GNA14: variants seen among roughly 807,000 people sequenced by gnomAD.
GNA14 encodes guanine nucleotide-binding protein subunit alpha-14.
GNA14 carries 50 observed loss-of-function variants against 42.0 expected under a neutral mutation model. That is an observed-to-expected ratio of 1.19 (90% CI 0.95 to 1.51). The LOEUF is 1.51. Among genes scored for constraint, GNA14 ranks in the 40% most tolerant of loss-of-function variants. The pLI is 0.00. For missense variants in GNA14, 473 were observed against 446.2 expected (o/e 1.06, Z -0.54); for synonymous variants, 173 against 163.1 (o/e 1.06, Z -0.46).
intron 1 of GNA14, among the ~76,000 whole-genome samples, chr9:77,576,230 G>A (rs910065768): frequency 6.6e-6 from 1 of 152,118 alleles, no homozygotes; most frequent in Non-Finnish European, 1.5e-5. Flanking sequence ...AGAGAAAGAC[G>A]TTGAAAGAGA....
rs1342693516 is a variant in GNA14 at position 77,434,152 on chromosome 9, G to A, written c.464+216C>T. Among the ~76,000 whole-genome samples the A allele has an allele frequency of 1.1e-4, 16 of 152,306 alleles. No individual in the cohort carries two copies. The East Asian group carries it at 1.4e-3, about 13-fold the overall frequency. On this transcript the variant is annotated intron_variant, in intron 3 of 6. Coordinates refer to ENST00000341700, the MANE Select transcript of GNA14 (RefSeq NM_004297.4). ...AACACAGCAAGAGCAGGCGGGTGTC[G>A]GCAGGAAGAGAGGTCTGCGATCCAC...
At chr9:77,519,879 A>G (rs888869053) in intron 2 of GNA14, among the ~76,000 whole-genome samples, 5 of 152,070 alleles carry the variant, frequency 3.3e-5, no homozygotes, top group South Asian at 2.1e-4. Flanking sequence ...GCATGGTGGT[A>G]TATGCCTGTA....
At chr9:77,633,345 G>T (rs558367033) in intron 1 of GNA14, among the ~76,000 whole-genome samples, 166 of 152,196 alleles carry the variant, frequency 1.1e-3, no homozygotes, top group Admixed American at 2.3e-3. Flanking sequence ...AGATTGGCAT[G>T]TGCAGAGGCC....
chr9:77,545,915 G>GT (rs1837713654), intron 1 of GNA14, among the ~76,000 whole-genome samples: 3 of 152,118 alleles, frequency 2.0e-5, no homozygotes, highest in Admixed American at 6.6e-5. Context: ...AACACCAGCT[G>GT]TAAGAGTAAA....
chr9:77,541,329 CT>C (rs1837659088), intron 1 of GNA14, among the ~76,000 whole-genome samples: 1 of 152,042 alleles, frequency 6.6e-6, no homozygotes, highest in South Asian at 2.1e-4. Context: ...TGGGTGCAAC[CT>C]TTTTTCATTC....
chr9:77,535,270 G>A (rs1313537732), intron 1 of GNA14, among the ~76,000 whole-genome samples: 1 of 152,228 alleles, frequency 6.6e-6, no homozygotes, highest in African/African-American at 2.4e-5. Context: ...TGGGTGCGGT[G>A]GCTCACGCCT....
intron 2 of GNA14, among the ~76,000 whole-genome samples, chr9:77,478,649 A>G (rs866308051): frequency 0.015 from 2,253 of 151,822 alleles, 26 homozygotes; most frequent in Middle Eastern, 0.031. Flanking sequence ...CACCAACAGT[A>G]TAAAAGTGTT....
intron 1 of GNA14, among the ~76,000 whole-genome samples, chr9:77,636,863 C>T (rs1049045528): frequency 6.6e-6 from 1 of 152,130 alleles, no homozygotes; most frequent in Admixed American, 6.5e-5. Context: ...CAGCACAAGC[C>T]AATGTTCCAT....
At position 77,587,337 on chromosome 9, in the gene GNA14, A is replaced by C. The variant is rs375521007; in HGVS notation, c.125-58084T>G. ...AATACTGAAAGCAGGAACTCATATT[A>C]GTATCTATACTCACATGTTCATAGC... On this transcript the variant is annotated intron_variant, in intron 1 of 6. Coordinates refer to ENST00000341700, the MANE Select transcript of GNA14 (RefSeq NM_004297.4). 8.5e-5 allele frequency among the ~76,000 whole-genome samples: 13 copies of C among 152,350 alleles called. 1 individual carries two copies. The East Asian group carries it at 1.5e-3, about 18-fold the overall frequency.
At chr9:77,552,126 C>CAAAAAAAAAAAA (rs34493872) in intron 1 of GNA14, among the ~76,000 whole-genome samples, 3 of 85,088 alleles carry the variant, frequency 3.5e-5, no homozygotes, top group Non-Finnish European at 4.7e-5. Context: ...AACTCCATCT[C>CAAAAAAAAAAAA]AAAAAAAAAA....
chr9:77,614,322 C>T (rs537764382), intron 1 of GNA14, among the ~76,000 whole-genome samples: 64 of 152,230 alleles, frequency 4.2e-4, no homozygotes, highest in Middle Eastern at 3.4e-3. Flanking sequence ...CAAAACTAGA[C>T]ACATACTCCT....
At chr9:77,504,576 A>G (rs1046253948) in intron 2 of GNA14, among the ~76,000 whole-genome samples, 3 of 148,348 alleles carry the variant, frequency 2.0e-5, no homozygotes, top group Non-Finnish European at 3.0e-5. Context: ...GAGAGAAACA[A>G]GTCCACATTC....
chr9:77,616,103 G>A (rs987878001), intron 1 of GNA14, among the ~76,000 whole-genome samples: 1 of 152,174 alleles, frequency 6.6e-6, no homozygotes, highest in African/African-American at 2.4e-5. Flanking sequence ...AGTAAACCAT[G>A]AGAGGCCTTG....
intron 1 of GNA14, among the ~76,000 whole-genome samples, chr9:77,603,066 G>A (rs1390061682): frequency 6.6e-6 from 1 of 152,166 alleles, no homozygotes; most frequent in South Asian, 2.1e-4. Flanking sequence ...CAACAAATTA[G>A]TGGCTCCCAA....
chr9:77,488,598 C>T (rs913202924), intron 2 of GNA14, among the ~76,000 whole-genome samples: 3 of 151,982 alleles, frequency 2.0e-5, no homozygotes, highest in East Asian at 3.9e-4. Context: ...TGAGCCTTCC[C>T]ATACTACTAA....
At chr9:77,638,883 A>G (rs1389180195) in intron 1 of GNA14, among the ~76,000 whole-genome samples, 1 of 152,192 alleles carries the variant, frequency 6.6e-6, no homozygotes, top group Non-Finnish European at 1.5e-5. Flanking sequence ...GGCTGTGGCA[A>G]TTTCCTGGGA....
At chr9:77,426,586 G>A (rs2131685936) in intron 5 of GNA14, among the ~76,000 whole-genome samples, 1 of 152,326 alleles carries the variant, frequency 6.6e-6, no homozygotes, top group Admixed American at 6.5e-5. Flanking sequence ...TTACAGGCAT[G>A]AGCCACCGCG....
chr9:77,463,225 T>C (rs923398075), intron 2 of GNA14, among the ~76,000 whole-genome samples: 2 of 152,106 alleles, frequency 1.3e-5, no homozygotes, highest in Admixed American at 1.3e-4. Context: ...CCTCCTTTGC[T>C]CTCTGGATGA....
intron 1 of GNA14, among the ~76,000 whole-genome samples, chr9:77,551,721 A>G (rs1479274155): frequency 6.6e-6 from 1 of 152,076 alleles, no homozygotes; most frequent in Non-Finnish European, 1.5e-5. Context: ...AACAATAAGA[A>G]AAAGAGTTAG....
Sources: gnomAD v4.1 joint callset for allele counts (sites outside exome capture counted in the v4.1 genomes callset) on GRCh38, gnomAD v4.1.1 for gene constraint, MANE v1.5 for transcripts, NCBI Gene and HGNC (gene_info 2026-07-23, HGNC 2026-07-21) for gene names.